RAB3GAP2: variants seen among roughly 807,000 people sequenced by gnomAD.
RAB3GAP2 encodes RAB3 GTPase activating non-catalytic protein subunit 2, also known as rab3 GTPase-activating protein non-catalytic subunit.
A neutral mutation model predicts 185.3 loss-of-function variants in RAB3GAP2; 87 were observed. The observed-to-expected ratio is 0.47, with a 90% CI of 0.39 to 0.56. The LOEUF (loss-of-function observed/expected upper bound fraction) is 0.56, where lower values mean the gene tolerates loss of function less well. RAB3GAP2 is among the 20% of genes least tolerant of loss of function. RAB3GAP2 has a pLI of 0.00. For missense variants in RAB3GAP2, 1,492 were observed against 1,638.2 expected (o/e 0.91, Z 1.54); for synonymous variants, 554 against 576.1 (o/e 0.96, Z 0.55).
At chr1:220,163,744 C>CATACATATAT (rs775527991) in intron 27 of RAB3GAP2, among the ~76,000 whole-genome samples, 4,337 of 122,568 alleles carry the variant, frequency 0.035, 102 homozygotes, top group East Asian at 0.061. Flanking sequence ...TAAATACATA[C>CATACATATAT]ATATATATAT....
At chr1:220,176,677 G>C (rs1024370523) in intron 21 of RAB3GAP2, among the ~76,000 whole-genome samples, 8 of 151,970 alleles carry the variant, frequency 5.3e-5, no homozygotes, top group African/African-American at 1.9e-4. Context: ...GGACCCAGAG[G>C]CAGACTCACC....
chr1:220,253,391 C>T (rs933508797), intron 1 of RAB3GAP2, among the ~76,000 whole-genome samples: 2 of 152,178 alleles, frequency 1.3e-5, no homozygotes, highest in African/African-American at 4.8e-5. Context: ...GGAGCAGATC[C>T]CCAGTAAACT....
At chr1:220,191,426 T>C (rs1441422251) in intron 13 of RAB3GAP2, 142 bp from the exon 14 acceptor site, 1 of 643,204 alleles carries the variant, frequency 1.6e-6, no homozygotes, top group Admixed American at 2.7e-5. Context: ...TGGAATATCT[T>C]AAATAAAAAA....
At chr1:220,213,161 C>A (rs935579545) in intron 3 of RAB3GAP2, among the ~76,000 whole-genome samples, 193 bp from the exon 4 acceptor site, 3 of 152,140 alleles carry the variant, frequency 2.0e-5, no homozygotes, top group Non-Finnish European at 4.4e-5. Context: ...ACCTAGTCTC[C>A]TGGCCTTCAG....
intron 31 of RAB3GAP2, among the ~76,000 whole-genome samples, chr1:220,156,853 A>G (rs1364256076): frequency 1.3e-5 from 2 of 152,180 alleles, no homozygotes; most frequent in Non-Finnish European, 2.9e-5. Context: ...GGGAATTCAG[A>G]AGGAACAGCA....
At chr1:220,210,764 C>G in intron 6 of RAB3GAP2, 37 bp downstream of exon 6, 1 of 1,578,420 alleles carries the variant, frequency 6.3e-7, no homozygotes, top group Non-Finnish European at 8.7e-7. Context: ...ATATTGCAGT[C>G]AACTAGTGTT....
At chr1:220,253,993 C>G in intron 1 of RAB3GAP2, 1 of 1,613,708 alleles carries the variant, frequency 6.2e-7, no homozygotes, top group Non-Finnish European at 8.5e-7. Flanking sequence ...CCGGGTAGAT[C>G]CTACTGTTGA....
chr1:220,230,166 T>C (rs1659472529), intron 2 of RAB3GAP2, among the ~76,000 whole-genome samples: 1 of 152,206 alleles, frequency 6.6e-6, no homozygotes, highest in Non-Finnish European at 1.5e-5. Context: ...GCTGCTGATG[T>C]CCCATGAAGT....
chr1:220,255,124 G>A (rs1179892451), intron 1 of RAB3GAP2, among the ~76,000 whole-genome samples: 2 of 151,474 alleles, frequency 1.3e-5, no homozygotes, highest in Non-Finnish European at 2.9e-5. Flanking sequence ...GCAATGCACT[G>A]TGTAGCTAGT....
At chr1:220,240,389 CT>C (rs960746164) in intron 1 of RAB3GAP2, among the ~76,000 whole-genome samples, 1 of 152,022 alleles carries the variant, frequency 6.6e-6, no homozygotes, top group Non-Finnish European at 1.5e-5. Flanking sequence ...AATCTTTAAT[CT>C]TTTTTTTCCT....
rs1657677862 is a variant in RAB3GAP2, at chr1:220,148,805, A to C, written c.*2446T>G. 2 of 152,120 alleles carry C rather than the reference A, an allele frequency of 1.3e-5. No homozygotes were observed. Among genetic ancestry groups the C allele is most frequent in the South Asian group, 4.1e-4 (2 of 4,836 alleles). The allele number at this position is 152,120 out of a possible 1,614,324, so 9.4% of individuals were successfully genotyped here. A position where few individuals can be genotyped will look rare whatever the true frequency, so the allele number is the denominator to read the frequency against. On this transcript the variant is annotated 3_prime_UTR_variant, in exon 35 of 35. Transcript: ENST00000358951. ...TGGTGCTATATATCTCTTTATCTAC[A>C]TTTACCCTGGCCCCTCTAGTTCTGC...
At chr1:220,238,624 T>C (rs1397388076) in intron 1 of RAB3GAP2, among the ~76,000 whole-genome samples, 6 of 152,148 alleles carry the variant, frequency 3.9e-5, no homozygotes, top group Non-Finnish European at 5.9e-5. Flanking sequence ...ACTCTCCAAA[T>C]ACAACATTCT....
At chr1:220,183,964 T>C (rs148588913) in intron 19 of RAB3GAP2, 72 bp downstream of exon 19, 9 of 1,273,448 alleles carry the variant, frequency 7.1e-6, no homozygotes, top group Non-Finnish European at 8.6e-6. Context: ...TCTACTTCTT[T>C]ACTACTAATT....
chr1:220,211,131 A>T, intron 4 of RAB3GAP2, 129 bp from the exon 5 acceptor site: 2 of 877,202 alleles, frequency 2.3e-6, no homozygotes, highest in Non-Finnish European at 3.7e-6. Context: ...TTGATGCATA[A>T]GTAAAAATAC....
chr1:220,218,288 T>C (rs115548602), intron 2 of RAB3GAP2, among the ~76,000 whole-genome samples: 148 of 152,302 alleles, frequency 9.7e-4, no homozygotes, highest in African/African-American at 3.5e-3. Flanking sequence ...ACTAAAAATA[T>C]ATCCTCCCAG....
In RAB3GAP2 at chr1:220,210,302, CTT is replaced by C; in HGVS notation, c.612+84_612+85del. On this transcript the variant is annotated intron_variant, in intron 7 of 34. Transcript: ENST00000358951. ...TAACTGTGCCACAAGACAAAGATCT[CTT>C]TTAAGTTTCTACCTAAAAAAGAGGA... The C allele has an allele frequency of 4.1e-6, 4 of 971,878 alleles. No individual in the cohort carries two copies. The East Asian group carries it at 9.5e-5, about 23-fold the overall frequency. 60.2% of individuals were successfully genotyped at this position (971,878 alleles called of 1,614,324 possible). A position where few individuals can be genotyped will look rare whatever the true frequency, so the allele number is the denominator to read the frequency against.
At chr1:220,257,402 C>A (rs1021189045) in intron 1 of RAB3GAP2, among the ~76,000 whole-genome samples, 1 of 150,676 alleles carries the variant, frequency 6.6e-6, no homozygotes. Flanking sequence ...CAAAAAAAAA[C>A]AAAAAGAAAG....
intron 24 of RAB3GAP2, among the ~76,000 whole-genome samples, chr1:220,169,045 G>A (rs900110212): frequency 6.6e-6 from 1 of 152,166 alleles, no homozygotes; most frequent in African/African-American, 2.4e-5. Context: ...TAAATCATTG[G>A]AAAATTCTCA....
chr1:220,198,178 A>T (rs897095780), intron 9 of RAB3GAP2, among the ~76,000 whole-genome samples: 1 of 151,808 alleles, frequency 6.6e-6, no homozygotes, highest in Non-Finnish European at 1.5e-5. Flanking sequence ...CTACACACAT[A>T]CTCCTCTGGC....
Sources: gnomAD v4.1 joint callset for allele counts (sites outside exome capture counted in the v4.1 genomes callset) on GRCh38, gnomAD v4.1.1 for gene constraint, MANE v1.5 for transcripts, NCBI Gene and HGNC (gene_info 2026-07-23, HGNC 2026-07-21) for gene names.